The following ADAMTSL3 variants were observed in gnomAD, a reference collection of about 807,000 sequenced individuals.
The protein encoded by ADAMTSL3 is ADAMTS-like protein 3.
Under a neutral mutation model 201.7 loss-of-function variants are expected in ADAMTSL3, and 128 were observed. That is an observed-to-expected ratio of 0.63 (90% CI 0.55 to 0.73). The LOEUF (loss-of-function observed/expected upper bound fraction) is 0.73. Among genes scored for constraint, ADAMTSL3 ranks in the 30% least tolerant of loss-of-function variants. The pLI is 0.00. For synonymous variants in ADAMTSL3, 738 were observed against 748.4 expected, an observed-to-expected ratio of 0.99 and a Z score of 0.23; for missense variants, 1,990 against 2,119.6, an observed-to-expected ratio of 0.94 and a Z score of 1.20.
At chr15:83,877,627 A>G (rs996483866) in intron 9 of ADAMTSL3, among the ~76,000 whole-genome samples, 7 of 152,206 alleles carry the variant, frequency 4.6e-5, no homozygotes, top group Non-Finnish European at 7.3e-5. Flanking sequence ...TGTTTTTAAA[A>G]ATCTGCTGGA....
chr15:83,940,589 A>C (rs758115793), intron 17 of ADAMTSL3, among the ~76,000 whole-genome samples: 1 of 152,272 alleles, frequency 6.6e-6, no homozygotes, highest in Middle Eastern at 3.4e-3. Flanking sequence ...AAATACCATC[A>C]TGCTGGGGTT....
In ADAMTSL3 at chr15:83,942,939, A is replaced by G; in HGVS notation, c.2347A>G (p.Arg783Gly). The G allele has an allele frequency of 6.2e-7, 1 of 1,610,134 alleles. No individual in the cohort carries two copies. Among genetic ancestry groups the G allele is most frequent in the East Asian group, 2.2e-5 (1 of 44,846 alleles). The change falls in exon 19 of 30, where the codon AGA becomes GGA. Residue 783 changes from arginine to glycine, a missense_variant. Arg to Gly is a moderately radical substitution (Grantham distance 125, BLOSUM62 -2). Coordinates refer to ENST00000286744, the MANE Select transcript of ADAMTSL3 (RefSeq NM_207517.3). ...RTCGGGTQNR[R>G]VTCRQLLTDG... Reference sequence around the variant, plus strand: ...TTGTGGCGGGGGAACTCAGAACAGAAGAGTCACCTGTCGGCAGCTGCTAAC... The same window carrying G: ...TTGTGGCGGGGGAACTCAGAACAGAGGAGTCACCTGTCGGCAGCTGCTAAC...
At chr15:83,900,738 T>A (rs1383726123) in intron 15 of ADAMTSL3, among the ~76,000 whole-genome samples, 5 of 152,210 alleles carry the variant, frequency 3.3e-5, no homozygotes, top group Admixed American at 3.3e-4. Context: ...TTGCAAGATC[T>A]TTTTCTTCTG....
At chr15:83,687,402 C>G (rs539801822) in intron 2 of ADAMTSL3, among the ~76,000 whole-genome samples, 2 of 152,264 alleles carry the variant, frequency 1.3e-5, no homozygotes, top group South Asian at 4.1e-4. Flanking sequence ...TTCAGCCCAT[C>G]TCAATTCAGA....
chr15:83,999,766 A>G (rs2067756129), intron 23 of ADAMTSL3, among the ~76,000 whole-genome samples: 1 of 147,636 alleles, frequency 6.8e-6, no homozygotes, highest in Non-Finnish European at 1.5e-5. Flanking sequence ...ACTTAAAAGG[A>G]TTTTCTTAAT....
chr15:83,677,020 C>G (rs926278077), intron 2 of ADAMTSL3, among the ~76,000 whole-genome samples: 1 of 152,222 alleles, frequency 6.6e-6, no homozygotes. Flanking sequence ...TTGAGAATTT[C>G]TCTTTGACTC....
chr15:83,783,778 C>A (rs2063215054), intron 4 of ADAMTSL3, among the ~76,000 whole-genome samples: 1 of 150,414 alleles, frequency 6.6e-6, no homozygotes, highest in Non-Finnish European at 1.5e-5. Context: ...GTGCAAGCTG[C>A]CATTTAAGAA....
intron 15 of ADAMTSL3, among the ~76,000 whole-genome samples, chr15:83,907,503 A>C (rs1364800228): frequency 3.3e-5 from 5 of 152,160 alleles, no homozygotes; most frequent in Non-Finnish European, 7.4e-5. Flanking sequence ...CCCGGCTTCA[A>C]GCAATTCTGC....
intron 9 of ADAMTSL3, among the ~76,000 whole-genome samples, chr15:83,884,237 T>C (rs1434436116): frequency 6.6e-6 from 1 of 151,818 alleles, no homozygotes. Context: ...AAATTGTACA[T>C]ATTTATAGTG....
chr15:83,905,467 C>T (rs145025213), intron 15 of ADAMTSL3, among the ~76,000 whole-genome samples: 90 of 152,064 alleles, frequency 5.9e-4, no homozygotes, highest in African/African-American at 2.1e-3. Flanking sequence ...GGGTGAGGGG[C>T]GAGGAGGATG....
At chr15:83,910,691 G>A (rs899162398) in intron 15 of ADAMTSL3, among the ~76,000 whole-genome samples, 5 of 150,226 alleles carry the variant, frequency 3.3e-5, no homozygotes, top group African/African-American at 1.2e-4. Context: ...CTGGAGTGCA[G>A]TGGCACAATC....
At chr15:83,875,583 G>A (rs996662432) in intron 9 of ADAMTSL3, among the ~76,000 whole-genome samples, 1 of 152,310 alleles carries the variant, frequency 6.6e-6, no homozygotes, top group East Asian at 1.9e-4. Flanking sequence ...AGGAGATCAA[G>A]ACCATCCTGG....
At chr15:83,830,509 A>C (rs892337274) in intron 6 of ADAMTSL3, among the ~76,000 whole-genome samples, 2 of 152,226 alleles carry the variant, frequency 1.3e-5, no homozygotes, top group Non-Finnish European at 2.9e-5. Context: ...AGTCAAGAGC[A>C]GTAAGAACTG....
intron 19 of ADAMTSL3, among the ~76,000 whole-genome samples, chr15:83,956,155 G>A (rs1409858928): frequency 1.3e-5 from 2 of 152,144 alleles, no homozygotes; most frequent in Admixed American, 6.5e-5. Flanking sequence ...GTGGGTATCA[G>A]CTGAGTTCAA....
At chr15:83,845,711 A>G (rs1388536382) in intron 7 of ADAMTSL3, among the ~76,000 whole-genome samples, 2 of 152,224 alleles carry the variant, frequency 1.3e-5, no homozygotes, top group African/African-American at 4.8e-5. Flanking sequence ...CAATTTTCCA[A>G]ACTTTTAATA....
intron 2 of ADAMTSL3, among the ~76,000 whole-genome samples, chr15:83,674,912 A>G (rs2061382369): frequency 6.6e-6 from 1 of 151,076 alleles, no homozygotes; most frequent in South Asian, 2.1e-4. Flanking sequence ...TTCATTATGT[A>G]GCTGTTTCTT....
intron 6 of ADAMTSL3, among the ~76,000 whole-genome samples, chr15:83,820,811 C>T (rs1328784302): frequency 6.6e-6 from 1 of 152,094 alleles, no homozygotes; most frequent in African/African-American, 2.4e-5. Flanking sequence ...TATGGAGGCT[C>T]ACCCTGTAAT....
chr15:83,922,462 A>G (rs1333166121), intron 16 of ADAMTSL3, among the ~76,000 whole-genome samples: 2 of 152,210 alleles, frequency 1.3e-5, no homozygotes, highest in Admixed American at 6.5e-5. Context: ...ATATATTTGA[A>G]AGTTAACTGG....
intron 12 of ADAMTSL3, among the ~76,000 whole-genome samples, chr15:83,892,463 G>C (rs1455006992): frequency 6.6e-6 from 1 of 152,054 alleles, no homozygotes; most frequent in Admixed American, 6.5e-5. Flanking sequence ...CCGGGAGGCA[G>C]AGGTTGCAGT....
Sources: allele counts gnomAD v4.1 joint callset (sites outside exome capture counted in the v4.1 genomes callset), GRCh38; gene constraint gnomAD v4.1.1; transcripts MANE v1.5; gene names NCBI Gene and HGNC (gene_info 2026-07-23, HGNC 2026-07-21).